The following MEF2A variants were observed in gnomAD, a reference collection of about 807,000 sequenced individuals.
The protein encoded by MEF2A is myocyte-specific enhancer factor 2A.
In MEF2A, 28 loss-of-function variants were observed where a neutral mutation model predicts 55.8. The ratio of observed to expected loss-of-function variants is 0.50; its 90% confidence interval spans 0.37 to 0.69. MEF2A has a LOEUF of 0.69. MEF2A is among the 30% of genes least tolerant of loss of function. MEF2A has a pLI of 0.00. For missense variants in MEF2A, 528 were observed against 626.2 expected (o/e 0.84, Z 1.67); for synonymous variants, 239 against 227.1 (o/e 1.05, Z -0.47).
chr15:99,574,272 G>A (rs1265295017), intron 1 of MEF2A, among the ~76,000 whole-genome samples: 1 of 152,138 alleles, frequency 6.6e-6, no homozygotes, highest in Non-Finnish European at 1.5e-5. Context: ...TACATCTTCT[G>A]CCTAGAGCAG....
chr15:99,632,782 A>G (rs1219637697), intron 2 of MEF2A, among the ~76,000 whole-genome samples, 196 bp from the exon 3 acceptor site: 1 of 152,226 alleles, frequency 6.6e-6, no homozygotes, highest in Non-Finnish European at 1.5e-5. Flanking sequence ...AACCAGAACT[A>G]GAGACACAAA....
At chr15:99,598,920 C>A (rs1972105760) in intron 2 of MEF2A, among the ~76,000 whole-genome samples, 1 of 152,072 alleles carries the variant, frequency 6.6e-6, no homozygotes, top group Non-Finnish European at 1.5e-5. Flanking sequence ...AGATGACATG[C>A]ATGTCTAGCC....
chr15:99,627,078 G>T (rs1567258230), intron 2 of MEF2A, among the ~76,000 whole-genome samples: 1 of 152,020 alleles, frequency 6.6e-6, no homozygotes, highest in Non-Finnish European at 1.5e-5. Flanking sequence ...CATGGAAGCT[G>T]GTCTTCAGGG....
At chr15:99,676,576 G>GTT (rs67443428) in intron 7 of MEF2A, among the ~76,000 whole-genome samples, 1 of 140,818 alleles carries the variant, frequency 7.1e-6, no homozygotes, top group Non-Finnish European at 1.6e-5. Flanking sequence ...ATACAGTTTT[G>GTT]TTTTTTTTTT....
intron 1 of MEF2A, among the ~76,000 whole-genome samples, chr15:99,582,754 C>G (rs1966299304): frequency 6.6e-6 from 1 of 152,108 alleles, no homozygotes; most frequent in Non-Finnish European, 1.5e-5. Context: ...AAGTAGTTGT[C>G]AGCCTTTTTC....
In MEF2A at chr15:99,566,025, G is replaced by A. The variant is rs1959183178; in HGVS notation, c.-304G>A. ...CCCGGCGAGTCCCGGGCTGAAAGAGGCGGCTCCGGGCGGCGCGAAGCGCTG... is the reference window on the plus strand; with the variant it reads ...CCCGGCGAGTCCCGGGCTGAAAGAGACGGCTCCGGGCGGCGCGAAGCGCTG... On this transcript the variant is annotated 5_prime_UTR_variant, in exon 1 of 12. Transcript: ENST00000557942. The A allele has an allele frequency of 6.6e-6, 1 of 152,412 alleles. No homozygotes were observed. Among genetic ancestry groups the A allele is most frequent in the African/African-American group, 2.4e-5 (1 of 41,452 alleles). 9.4% of individuals were successfully genotyped at this position (152,412 alleles called of 1,614,324 possible).
At chr15:99,614,193 T>C (rs577330027) in intron 2 of MEF2A, among the ~76,000 whole-genome samples, 1 of 152,364 alleles carries the variant, frequency 6.6e-6, no homozygotes, top group South Asian at 2.1e-4. Flanking sequence ...ACACAGCTAC[T>C]GATAAATGTA....
chr15:99,682,092 G>A (rs1174956673), intron 7 of MEF2A, among the ~76,000 whole-genome samples: 1 of 152,210 alleles, frequency 6.6e-6, no homozygotes, highest in East Asian at 1.9e-4. Flanking sequence ...TGAATTCATA[G>A]TGAAATATTA....
chr15:99,683,196 A>G (rs2053563289), intron 7 of MEF2A, among the ~76,000 whole-genome samples: 1 of 152,172 alleles, frequency 6.6e-6, no homozygotes, highest in Non-Finnish European at 1.5e-5. Flanking sequence ...TGGGGTGTGG[A>G]AAGGATTTAA....
intron 3 of MEF2A, among the ~76,000 whole-genome samples, chr15:99,635,975 G>A (rs1210285998): frequency 6.6e-6 from 1 of 152,154 alleles, no homozygotes; most frequent in Admixed American, 6.5e-5. Context: ...GTTAGTAGTT[G>A]ACGGAAGTTT....
intron 2 of MEF2A, among the ~76,000 whole-genome samples, chr15:99,630,853 G>C (rs1028577694): frequency 1.3e-5 from 2 of 152,098 alleles, no homozygotes; most frequent in Non-Finnish European, 2.9e-5. Flanking sequence ...GTTTGCCAGG[G>C]CTGCTCCTCC....
At position 99,648,182 on chromosome 15, in the gene MEF2A, A is replaced by G. The variant is rs1278284200; in HGVS notation, c.258+2418A>G. ...CCTCATTGAAGGATATTTTTGGAAT[A>G]CCATTTTTTCCTTTTCACAGTTTCC... is the stretch of plus-strand genomic sequence containing the variant. On this transcript the variant is annotated intron_variant, in intron 4 of 11. Coordinates refer to ENST00000557942, the MANE Select transcript of MEF2A (RefSeq NM_001319206.4). Among the ~76,000 whole-genome samples the G allele has an allele frequency of 5.3e-5, 8 of 152,156 alleles. No homozygotes were observed. In the South Asian group the frequency reaches 1.4e-3, roughly 28 times the overall value.
At chr15:99,641,214 A>G (rs75588954) in intron 3 of MEF2A, among the ~76,000 whole-genome samples, 11,080 of 152,186 alleles carry the variant, frequency 0.073, 502 homozygotes, top group Middle Eastern at 0.13. Context: ...CTGAGTAAGA[A>G]TGGTTGAGAA....
At chr15:99,603,235 A>G (rs1053872198) in intron 2 of MEF2A, among the ~76,000 whole-genome samples, 1 of 151,812 alleles carries the variant, frequency 6.6e-6, no homozygotes, top group African/African-American at 2.4e-5. Flanking sequence ...TATTTGGTTA[A>G]TTTTCCAGAT....
chr15:99,581,838 G>A (rs1182950685), intron 1 of MEF2A, among the ~76,000 whole-genome samples: 1 of 152,132 alleles, frequency 6.6e-6, no homozygotes, highest in Non-Finnish European at 1.5e-5. Context: ...TTCACGGAAG[G>A]ATTGACATTT....
rs117727273 is a variant in MEF2A, at chr15:99,695,519, G to A, written c.858+5091G>A. On this transcript the variant is annotated intron_variant, in intron 8 of 11. Coordinates refer to ENST00000557942, the MANE Select transcript of MEF2A (RefSeq NM_001319206.4). ...ATCACATTGAATGTGGTGAGAAAGC[G>A]TCAGTTAAAAGATTGTCAGATTTGT... is the stretch of plus-strand genomic sequence containing the variant. Among the ~76,000 whole-genome samples, 11 of 133,796 alleles carry A rather than the reference G, an allele frequency of 8.2e-5. No individual in the cohort carries two copies. The East Asian group carries it at 1.9e-3, about 23-fold the overall frequency. The allele number at this position is 133,796 out of a possible 152,430, so 87.8% of individuals were successfully genotyped here. A position where few individuals can be genotyped will look rare whatever the true frequency, so the allele number is the denominator to read the frequency against.
chr15:99,680,131 C>G (rs533191053), intron 7 of MEF2A, among the ~76,000 whole-genome samples: 7 of 152,332 alleles, frequency 4.6e-5, no homozygotes, highest in Admixed American at 4.6e-4. Flanking sequence ...TCTGGGACCA[C>G]TCTTCCCCTA....
At chr15:99,627,182 A>AC (rs1412645972) in intron 2 of MEF2A, among the ~76,000 whole-genome samples, 1 of 152,032 alleles carries the variant, frequency 6.6e-6, no homozygotes, top group Non-Finnish European at 1.5e-5. Context: ...AGTAAGGAAC[A>AC]CGAAGTGGGT....
chr15:99,694,200 G>T (rs1048519135), intron 8 of MEF2A, among the ~76,000 whole-genome samples: 2 of 152,014 alleles, frequency 1.3e-5, no homozygotes, highest in African/African-American at 4.8e-5. Context: ...TACTAGTCAG[G>T]TATTTTTATA....
Sources: gnomAD v4.1 joint callset for allele counts (sites outside exome capture counted in the v4.1 genomes callset) on GRCh38, gnomAD v4.1.1 for gene constraint, MANE v1.5 for transcripts, NCBI Gene and HGNC (gene_info 2026-07-23, HGNC 2026-07-21) for gene names.